Variants in SNTG2 observed in about 807,000 individuals in gnomAD.
The protein encoded by SNTG2 is syntrophin gamma 2.
In SNTG2, 74 loss-of-function variants were observed where a neutral mutation model predicts 70.9. The observed-to-expected ratio is 1.04, with a 90% CI of 0.86 to 1.27. The LOEUF is 1.27. SNTG2 is among the 50% of genes most tolerant of loss of function. The pLI is 0.00. For synonymous variants in SNTG2, 278 were observed against 273.8 expected (o/e 1.02, Z -0.15); for missense variants, 717 against 690.7 (o/e 1.04, Z -0.43).
rs1472472403 is a variant in SNTG2 at position 1,353,378 on chromosome 2, A to G, written c.1489-13965A>G. Among the ~76,000 whole-genome samples the G allele has an allele frequency of 6.6e-6, 1 of 152,158 alleles. No homozygotes were observed. The highest frequency in any genetic ancestry group is 1.5e-5 in the Non-Finnish European group (1 of 68,018). On this transcript the variant is annotated intron_variant, in intron 16 of 16. Coordinates refer to ENST00000308624, the MANE Select transcript of SNTG2 (RefSeq NM_018968.4). This position sits in a 1 kb window ranked among gnomAD's most constrained non-coding sequence, Gnocchi z 4.2. Reference sequence around the variant, plus strand: ...CTCTCTGCAGCACCGCAAGTGTGGAATTGAGTTCCGGGGTGTGGCTGTTCC... The same window carrying G: ...CTCTCTGCAGCACCGCAAGTGTGGAGTTGAGTTCCGGGGTGTGGCTGTTCC...
At chr2:1,239,646 C>T (rs992606519) in intron 10 of SNTG2, 92 bp from the exon 11 acceptor site, 1 of 1,355,192 alleles carries the variant, frequency 7.4e-7, no homozygotes, top group African/African-American at 1.4e-5. Context: ...TTTCCCAGGA[C>T]AGAGCGTGGC....
intron 8 of SNTG2, among the ~76,000 whole-genome samples, chr2:1,186,853 A>G (rs377042870): frequency 4.7e-4 from 72 of 152,300 alleles, no homozygotes; most frequent in African/African-American, 1.6e-3. Flanking sequence ...AATAAGCAAG[A>G]GACTCACATG....
At chr2:1,149,654 T>C (rs1192571353) in intron 6 of SNTG2, among the ~76,000 whole-genome samples, 1 of 150,854 alleles carries the variant, frequency 6.6e-6, no homozygotes, top group African/African-American at 2.4e-5. Flanking sequence ...CCTCAACAGA[T>C]TGATGAAGTT....
intron 1 of SNTG2, among the ~76,000 whole-genome samples, chr2:1,005,393 T>G (rs984951843): frequency 2.6e-5 from 4 of 151,854 alleles, no homozygotes; most frequent in African/African-American, 9.7e-5. Flanking sequence ...ATGTTGATAA[T>G]GAAGGGGCTG....
chr2:1,330,286 C>T (rs1229850781), intron 16 of SNTG2, among the ~76,000 whole-genome samples: 3 of 152,178 alleles, frequency 2.0e-5, no homozygotes, highest in African/African-American at 7.2e-5. Context: ...AATTCTTATA[C>T]ATATTTCTCT....
At chr2:988,050 G>A (rs867562398) in intron 1 of SNTG2, among the ~76,000 whole-genome samples, 3 of 152,204 alleles carry the variant, frequency 2.0e-5, no homozygotes, top group Non-Finnish European at 4.4e-5. Flanking sequence ...ATCACCTCAT[G>A]GGGAGCCTCC....
chr2:1,163,511 G>T (rs1670483684), intron 6 of SNTG2: 1 of 152,262 alleles, frequency 6.6e-6, no homozygotes, highest in African/African-American at 2.4e-5. Flanking sequence ...CCTCCCAACA[G>T]GAAGTGGCAT....
chr2:1,158,932 T>A (rs1397019167), intron 6 of SNTG2, among the ~76,000 whole-genome samples: 1 of 152,146 alleles, frequency 6.6e-6, no homozygotes, highest in Non-Finnish European at 1.5e-5. Flanking sequence ...CAAGGTCTAA[T>A]GCAAGGTCTT....
intron 2 of SNTG2, among the ~76,000 whole-genome samples, chr2:1,084,214 G>A (rs1664532541): frequency 6.6e-6 from 1 of 152,102 alleles, no homozygotes; most frequent in Non-Finnish European, 1.5e-5. Context: ...TTGGTTTTCT[G>A]AGTCCTCCTG....
chr2:956,905 G>A (rs1660181243), intron 1 of SNTG2, among the ~76,000 whole-genome samples: 1 of 152,172 alleles, frequency 6.6e-6, no homozygotes, highest in South Asian at 2.1e-4. Flanking sequence ...TTTTAGAATA[G>A]CTATGTTTTG....
chr2:994,014 A>G (rs1489598386), intron 1 of SNTG2, among the ~76,000 whole-genome samples: 2 of 151,934 alleles, frequency 1.3e-5, no homozygotes, highest in African/African-American at 2.4e-5. Context: ...CAGTTGATCT[A>G]TTTTTACTTT....
chr2:1,259,725 A>G (rs13005669), intron 13 of SNTG2, among the ~76,000 whole-genome samples: 46,467 of 152,086 alleles, frequency 0.31, 8,012 homozygotes, highest in African/African-American at 0.47. Flanking sequence ...GTTTTATGAC[A>G]TCCACTTACA....
chr2:1,119,978 C>T (rs530495123), intron 4 of SNTG2, among the ~76,000 whole-genome samples: 1 of 151,976 alleles, frequency 6.6e-6, no homozygotes, highest in South Asian at 2.1e-4. Flanking sequence ...TTACAAACAA[C>T]AAGAAAATGA....
At chr2:1,121,589 G>A (rs977187952) in intron 4 of SNTG2, among the ~76,000 whole-genome samples, 1 of 152,158 alleles carries the variant, frequency 6.6e-6, no homozygotes, top group Non-Finnish European at 1.5e-5. Context: ...CCGCATGGCT[G>A]GGGAGGCGTC....
chr2:1,355,121 C>T (rs908200908), intron 16 of SNTG2, among the ~76,000 whole-genome samples: 13 of 152,238 alleles, frequency 8.5e-5, no homozygotes, highest in African/African-American at 3.1e-4. Flanking sequence ...CATCTCTCAA[C>T]GTTAGTGCCA....
intron 1 of SNTG2, among the ~76,000 whole-genome samples, chr2:1,002,604 G>A (rs1322413582): frequency 6.6e-6 from 1 of 151,124 alleles, no homozygotes; most frequent in African/African-American, 2.4e-5. Flanking sequence ...AAACAGATGT[G>A]TATGAGGATG....
chr2:1,224,912 G>A (rs1675668087), intron 9 of SNTG2, among the ~76,000 whole-genome samples: 1 of 152,210 alleles, frequency 6.6e-6, no homozygotes, highest in Admixed American at 6.5e-5. Flanking sequence ...CCTCCAGCAG[G>A]TGCAGTTGTG....
intron 8 of SNTG2, among the ~76,000 whole-genome samples, chr2:1,181,264 G>A (rs1413211137): frequency 6.6e-6 from 1 of 152,168 alleles, no homozygotes; most frequent in Non-Finnish European, 1.5e-5. Context: ...GCACTCAAGA[G>A]TGTGTTTTAT....
chr2:1,194,291 C>T (rs761304248), intron 8 of SNTG2, among the ~76,000 whole-genome samples: 5 of 152,192 alleles, frequency 3.3e-5, no homozygotes, highest in Non-Finnish European at 7.3e-5. Context: ...TGTCTTTCTC[C>T]GTGTCCTGCT....
Sources: allele counts gnomAD v4.1 joint callset (sites outside exome capture counted in the v4.1 genomes callset), GRCh38; gene constraint gnomAD v4.1.1; non-coding constraint Gnocchi (gnomAD v3.1); transcripts MANE v1.5; gene names NCBI Gene and HGNC (gene_info 2026-07-23, HGNC 2026-07-21).